The following JMJD1C variants were observed in gnomAD, a reference collection of about 807,000 sequenced individuals.
JMJD1C encodes jumonji domain containing 1C, also known as jumonji domain-containing protein 1C.
In JMJD1C, 31 loss-of-function variants were observed where a neutral mutation model predicts 245.3. The observed-to-expected ratio is 0.13, with a 90% confidence interval of 0.09 to 0.17. The LOEUF (loss-of-function observed/expected upper bound fraction) is 0.17, where lower values mean the gene tolerates loss of function less well. Among genes scored for constraint, JMJD1C ranks in the 10% least tolerant of loss-of-function variants. The probability of loss-of-function intolerance (pLI) is 1.00; values close to 1 mark genes in which losing one functional copy is unlikely to be tolerated. For missense variants in JMJD1C, 2,691 were observed against 3,000.2 expected, an observed-to-expected ratio of 0.90 and a Z score of 2.41; for synonymous variants, 1,057 against 1,017.4, an observed-to-expected ratio of 1.04 and a Z score of -0.74.
At chr10:63,244,872 C>T (rs1851973416) in intron 3 of JMJD1C, among the ~76,000 whole-genome samples, 1 of 151,590 alleles carries the variant, frequency 6.6e-6, no homozygotes, top group African/African-American at 2.4e-5. Context: ...TGCGGTGGCT[C>T]ACGCCTGTAA....
chr10:63,169,582 G>A (rs887471610), intron 24 of JMJD1C, among the ~76,000 whole-genome samples: 1 of 152,050 alleles, frequency 6.6e-6, no homozygotes, highest in East Asian at 1.9e-4. Context: ...AATTCCAGAG[G>A]GGCTAGAATT....
Position 63,281,711 on chromosome 10 carries a change from C to G in JMJD1C, c.334-16947G>C, listed in dbSNP as rs1857426927. ...GGTCTCGATCTCCTGACCTCGTGATCTACCACCTCGGCCTTCCAAAGTGCT... is the reference window on the plus strand; with the variant it reads ...GGTCTCGATCTCCTGACCTCGTGATGTACCACCTCGGCCTTCCAAAGTGCT... On this transcript the variant is annotated intron_variant, in intron 2 of 25. Coordinates refer to ENST00000399262, the MANE Select transcript of JMJD1C (RefSeq NM_032776.3). 2.0e-5 allele frequency among the ~76,000 whole-genome samples: 3 copies of G among 151,524 alleles called. No homozygotes were observed. The South Asian group carries it at 6.3e-4, about 32-fold the overall frequency.
In JMJD1C at chr10:63,215,553, G is replaced by A. The variant is rs369561675; in HGVS notation, c.822C>T (p.His274=). 20 of 1,609,268 alleles carry A rather than the reference G, an allele frequency of 1.2e-5. No homozygotes were observed. The highest frequency in any genetic ancestry group is 1.1e-4 in the East Asian group (5 of 44,750). ...AATTCATCCCTAATAACATACATAC[G>A]TGAACAGCGTTGACGTTTTGATTGG... The part of the protein sequence containing the change: ...SRANQNVNAV[H]SHYTRAQANS... Residue 274 remains histidine, a splice_region_variant and synonymous_variant, in exon 6 of 26, where the codon CAC becomes CAT. Coordinates refer to ENST00000399262, the MANE Select transcript of JMJD1C (RefSeq NM_032776.3).
rs753005482 is a variant in JMJD1C, at chr10:63,184,714, C to T, written c.6855G>A (p.Leu2285=). 4 of 1,609,634 alleles carry T rather than the reference C, an allele frequency of 2.5e-6. No individual in the cohort carries two copies. Among genetic ancestry groups the T allele is most frequent in the Non-Finnish European group, 3.4e-6 (4 of 1,178,650 alleles). ...PARYEDLLKS[L]PLPEYCNPEG... is the part of the protein sequence containing the mutation. ...CTGGATTACAATATTCTGGCAATGG[C>T]AGACTTTTTAAAAGATCTTCGTATC... The change falls in exon 21 of 26, where the codon CTG becomes CTA. Residue 2285 remains leucine (L), a synonymous_variant. Coordinates refer to ENST00000399262, the MANE Select transcript of JMJD1C (RefSeq NM_032776.3).
chr10:63,502,748 AAAAG>A (rs1409524122), intron 1 of JMJD1C, among the ~76,000 whole-genome samples: 1 of 152,146 alleles, frequency 6.6e-6, no homozygotes, highest in Non-Finnish European at 1.5e-5. Flanking sequence ...TCTTGGAGCT[AAAAG>A]AAAGGGAATC....
At chr10:63,179,263 G>T (rs1219343340) in intron 22 of JMJD1C, among the ~76,000 whole-genome samples, 2 of 151,984 alleles carry the variant, frequency 1.3e-5, no homozygotes, top group African/African-American at 4.8e-5. Flanking sequence ...TACAAAATTA[G>T]CTGGGTGTGG....
At chr10:63,257,902 T>C (rs1854176590) in intron 3 of JMJD1C, among the ~76,000 whole-genome samples, 1 of 152,018 alleles carries the variant, frequency 6.6e-6, no homozygotes, top group Non-Finnish European at 1.5e-5. Context: ...TATTGAGAGT[T>C]GAAAAAGTTT....
Position 63,309,417 on chromosome 10 carries a change from C to CCG in JMJD1C, c.334-44654_334-44653insCG, listed in dbSNP as rs1554882285. 6.2e-5 allele frequency among the ~76,000 whole-genome samples: 8 copies of CCG among 128,194 alleles called. No homozygotes were observed. In the Admixed American group the frequency reaches 6.7e-4, roughly 11 times the overall value. The allele number at this position is 128,194 out of a possible 152,430, so 84.1% of individuals were successfully genotyped here. A position where few individuals can be genotyped will look rare whatever the true frequency, so the allele number is the denominator to read the frequency against. ...GCTGAGGCAGGGGAATCGCTTGAAC[C>CCG]GGGGGGGCAGAGGTTGCAGTGAGCC... On this transcript the variant is annotated intron_variant, in intron 2 of 25. Coordinates refer to ENST00000399262, the MANE Select transcript of JMJD1C (RefSeq NM_032776.3).
intron 1 of JMJD1C, among the ~76,000 whole-genome samples, chr10:63,410,659 A>G (rs561166835): frequency 2.6e-5 from 4 of 152,144 alleles, no homozygotes; most frequent in Non-Finnish European, 5.9e-5. Context: ...TTTAAAGACA[A>G]AAAATATACT....
At chr10:63,428,074 T>C (rs1427103631) in intron 1 of JMJD1C, 3 of 536,806 alleles carry the variant, frequency 5.6e-6, no homozygotes, top group Non-Finnish European at 1.0e-5. Flanking sequence ...CACATATATA[T>C]ATATTAAGAC....
intron 3 of JMJD1C, among the ~76,000 whole-genome samples, chr10:63,224,147 G>C (rs1318867425): frequency 6.6e-6 from 1 of 152,068 alleles, no homozygotes; most frequent in Non-Finnish European, 1.5e-5. Context: ...TAATTATCTA[G>C]CGGAAATAGC....
At chr10:63,449,397 T>A (rs1400025897) in intron 1 of JMJD1C, among the ~76,000 whole-genome samples, 1 of 152,166 alleles carries the variant, frequency 6.6e-6, no homozygotes, top group Non-Finnish European at 1.5e-5. Context: ...TTTAAGAAGC[T>A]AGTAACATTA....
intron 1 of JMJD1C, among the ~76,000 whole-genome samples, chr10:63,432,031 A>G (rs564154372): frequency 2.0e-4 from 30 of 152,032 alleles, no homozygotes; most frequent in African/African-American, 7.0e-4. Context: ...GAAAAAGAAA[A>G]CTCACTTTTG....
At chr10:63,493,772 TG>T (rs1954257814) in intron 1 of JMJD1C, among the ~76,000 whole-genome samples, 1 of 152,146 alleles carries the variant, frequency 6.6e-6, no homozygotes, top group Non-Finnish European at 1.5e-5. Context: ...ACAGAGCAGA[TG>T]AGTAGCCACT....
rs760034491 is a variant in JMJD1C, at chr10:63,193,146, T to C, written c.5868A>G (p.Leu1956=). ...TATTACTGTGATTAAGAACATTCTG[T>C]AAAACCTACAAAGGTAGAACAATTA... ...FPTMNGVSQV[L]QNVLNHSNKI... Residue 1956 remains leucine, a synonymous_variant, in exon 16 of 26, where the codon TTA becomes TTG. Transcript: ENST00000399262. 3.7e-6 allele frequency: 6 copies of C among 1,610,306 alleles called. No homozygotes were observed. In the Admixed American group the frequency reaches 1.0e-4, roughly 27 times the overall value.
At position 63,189,211 on chromosome 10, in the gene JMJD1C, C is replaced by T. The variant is rs1554829957; in HGVS notation, c.6527G>A (p.Ser2176Asn). 1.9e-6 allele frequency: 3 copies of T among 1,612,322 alleles called. No homozygotes were observed. The Admixed American group carries it at 5.0e-5, about 27-fold the overall frequency. The change falls in exon 18 of 26, where the codon AGC (serine) becomes AAC (asparagine). Residue 2176 changes from serine to asparagine, a missense_variant. Coordinates refer to ENST00000399262, the MANE Select transcript of JMJD1C (RefSeq NM_032776.3). ...TTCTTTGAAAAGCTTCCAATTACTG[C>T]TATTCTTATAATCCTTAAGCCATAA... ...HILWLKDYKN[S>N]SNWKLFKECW...
chr10:63,329,920 G>A (rs771076825), intron 2 of JMJD1C, among the ~76,000 whole-genome samples: 1 of 152,176 alleles, frequency 6.6e-6, no homozygotes, highest in Non-Finnish European at 1.5e-5. Flanking sequence ...TTTGTTTTTT[G>A]AGACGGAGTC....
At chr10:63,248,414 C>G (rs532491338) in intron 3 of JMJD1C, among the ~76,000 whole-genome samples, 10 of 151,892 alleles carry the variant, frequency 6.6e-5, no homozygotes, top group Middle Eastern at 3.4e-3. Flanking sequence ...CCAGCTACCC[C>G]GGAAGCCGAG....
chr10:63,173,800 A>G (rs1157948006), intron 24 of JMJD1C, among the ~76,000 whole-genome samples: 1 of 151,296 alleles, frequency 6.6e-6, no homozygotes, highest in Non-Finnish European at 1.5e-5. Flanking sequence ...TGTAAAACAC[A>G]TTATCAGATA....
Sources: gnomAD v4.1 joint callset for allele counts (sites outside exome capture counted in the v4.1 genomes callset) on GRCh38, gnomAD v4.1.1 for gene constraint, MANE v1.5 for transcripts, NCBI Gene and HGNC (gene_info 2026-07-23, HGNC 2026-07-21) for gene names.